The following NBPF3 variants were observed in gnomAD, a reference collection of about 807,000 sequenced individuals.
NBPF3 encodes the protein NBPF family member NBPF3.
NBPF3 carries 57 observed loss-of-function variants against 78.1 expected under a neutral mutation model. The observed-to-expected ratio is 0.73, with a 90% confidence interval of 0.59 to 0.91. The LOEUF is 0.91. NBPF3 is among the 40% of genes least tolerant of loss of function. The pLI is 0.00. For missense variants in NBPF3, 510 were observed against 715.3 expected (o/e 0.71, Z 3.27); for synonymous variants, 182 against 271.7 (o/e 0.67, Z 3.25).
intron 4 of NBPF3, among the ~76,000 whole-genome samples, chr1:21,471,282 G>A (rs1642580239): frequency 6.6e-6 from 1 of 152,138 alleles, no homozygotes; most frequent in African/African-American, 2.4e-5. Context: ...CTGAAAGGAT[G>A]GATGTCTTTT....
chr1:21,436,851 G>C (rs1380407382), upstream of NBPF3: 2 of 793,376 alleles, frequency 2.5e-6, no homozygotes, highest in East Asian at 3.5e-5. This position sits in a 1 kb window ranked among gnomAD's most constrained non-coding sequence, Gnocchi z 4.3. Context: ...CCAGAGGCCC[G>C]GGGGGAGGGG....
chr1:21,474,838 A>G, intron 7 of NBPF3, 62 bp from the exon 8 acceptor site: 2 of 1,437,300 alleles, frequency 1.4e-6, no homozygotes, highest in South Asian at 2.3e-5. Context: ...CTGGACACTG[A>G]TTTGGTCATA....
At chr1:21,444,107 C>A (rs1258980770) in intron 1 of NBPF3, among the ~76,000 whole-genome samples, 1 of 152,126 alleles carries the variant, frequency 6.6e-6, no homozygotes, top group Admixed American at 6.5e-5. Flanking sequence ...CAGTACTTGA[C>A]CTTGCCTGGC....
intron 2 of NBPF3, chr1:21,449,919 TCA>T: frequency 2.8e-6 from 1 of 350,880 alleles, no homozygotes; most frequent in Non-Finnish European, 3.8e-6. Context: ...TGTAGTTCTT[TCA>T]TTGATTGATT....
intron 1 of NBPF3, among the ~76,000 whole-genome samples, chr1:21,444,528 A>C (rs894035457): frequency 1.7e-4 from 26 of 152,196 alleles, no homozygotes; most frequent in Admixed American, 1.6e-3. Flanking sequence ...TACTTTGTGA[A>C]AACTTCCCTG....
Position 21,483,141 on chromosome 1 carries a change from A to T in NBPF3, c.1659-2A>T, listed in dbSNP as rs1246540169. Reference sequence around the variant, plus strand: ...CTTCTTTAGTTTTGTCTCCTTTTCCAGGCTCAACGAGGTGCTGATGGAAGC... The same window carrying T: ...CTTCTTTAGTTTTGTCTCCTTTTCCTGGCTCAACGAGGTGCTGATGGAAGC... On this transcript the variant is annotated splice_acceptor_variant, in intron 14 of 14. Coordinates refer to ENST00000318249, the MANE Select transcript of NBPF3 (RefSeq NM_032264.6). LOFTEE classifies it high-confidence loss of function. 1 of 1,611,610 alleles carries T rather than the reference A, an allele frequency of 6.2e-7. No individual in the cohort carries two copies. Among genetic ancestry groups the T allele is most frequent in the Non-Finnish European group, 8.5e-7 (1 of 1,179,402 alleles).
intron 7 of NBPF3, 69 bp downstream of exon 7, chr1:21,473,654 CTA>C: frequency 7.7e-7 from 1 of 1,293,802 alleles, no homozygotes; most frequent in Non-Finnish European, 1.1e-6. Context: ...AAGACAGGCT[CTA>C]TACACACAGA....
Position 21,460,951 on chromosome 1 carries a change from A to G in NBPF3, c.134-7737A>G, listed in dbSNP as rs1404279280. Among the ~76,000 whole-genome samples the G allele has an allele frequency of 2.6e-5, 4 of 152,224 alleles. No individual in the cohort carries two copies. The highest frequency in any genetic ancestry group is 5.9e-5 in the Non-Finnish European group (4 of 68,030). On this transcript the variant is annotated intron_variant, in intron 2 of 14. Transcript: ENST00000318249. The surrounding 1 kb of genome is among the most constrained non-coding windows in gnomAD (Gnocchi z 4.2). Reference sequence around the variant, plus strand: ...AAATGACAAACACACCAGTGTTTCAATGAACATAAAATTTTGAGAAGATAT... The same window carrying G: ...AAATGACAAACACACCAGTGTTTCAGTGAACATAAAATTTTGAGAAGATAT...
intron 2 of NBPF3, among the ~76,000 whole-genome samples, chr1:21,452,252 T>G (rs1641354095): frequency 6.6e-6 from 1 of 152,202 alleles, no homozygotes; most frequent in Non-Finnish European, 1.5e-5. Context: ...AGCAAACATG[T>G]GGCCATGAAA....
At chr1:21,466,755 G>A (rs1374449348) in intron 2 of NBPF3, among the ~76,000 whole-genome samples, 1 of 151,788 alleles carries the variant, frequency 6.6e-6, no homozygotes, top group Non-Finnish European at 1.5e-5. Context: ...AAGGAAATAT[G>A]TCCAAATACA....
chr1:21,436,871 T>G, upstream of NBPF3: 27 of 371,202 alleles, frequency 7.3e-5, no homozygotes, highest in East Asian at 7.7e-5. This position sits in a 1 kb window ranked among gnomAD's most constrained non-coding sequence, Gnocchi z 4.3. Flanking sequence ...GCTCGCGCCC[T>G]CCGGGTGGGG....
intron 2 of NBPF3, among the ~76,000 whole-genome samples, chr1:21,458,996 C>G (rs4393124): frequency 6.6e-6 from 1 of 152,136 alleles, no homozygotes; most frequent in African/African-American, 2.4e-5. Context: ...AAAACATAAT[C>G]GAGATTAATA....
At chr1:21,455,891 A>G (rs1217446159) in intron 2 of NBPF3, among the ~76,000 whole-genome samples, 2 of 152,204 alleles carry the variant, frequency 1.3e-5, no homozygotes. Flanking sequence ...TGGGGAATGT[A>G]TGATGGAGTT....
intron 2 of NBPF3, among the ~76,000 whole-genome samples, chr1:21,447,860 A>G (rs1641080123): frequency 6.6e-6 from 1 of 152,156 alleles, no homozygotes; most frequent in African/African-American, 2.4e-5. Flanking sequence ...TAATACAGTG[A>G]TATCTCATTG....
At chr1:21,462,135 C>T (rs1368756589) in intron 2 of NBPF3, among the ~76,000 whole-genome samples, 3 of 152,080 alleles carry the variant, frequency 2.0e-5, no homozygotes, top group Non-Finnish European at 2.9e-5. Flanking sequence ...GGAGCAGATG[C>T]GGGGGCCATG....
rs1284670496 is a variant in NBPF3, at chr1:21,468,840, C to G, written c.286C>G (p.Gln96Glu). The G allele has an allele frequency of 1.2e-6, 2 of 1,614,194 alleles. No homozygotes were observed. Among genetic ancestry groups the G allele is most frequent in the Non-Finnish European group, 1.7e-6 (2 of 1,180,032 alleles). The change falls in exon 3 of 15, where the codon CAG (glutamine) becomes GAG (glutamate). Residue 96 changes from glutamine (Q) to glutamate (E), a missense_variant. Gln to Glu is a conservative substitution (Grantham distance 29). Around this residue, in one of 5 missense-constraint regions of NBPF3, gnomAD observed 440 missense variants for 478.2 expected, o/e 0.92. Coordinates refer to ENST00000318249, the MANE Select transcript of NBPF3 (RefSeq NM_032264.6). ...ENKQQFRNLK[Q>E]KCLVTQVAYF... ...CAAACAGCAGTTCAGAAACCTCAAACAGAAATGTCTTGTAACTCAAGTGGC... is the reference window on the plus strand; with the variant it reads ...CAAACAGCAGTTCAGAAACCTCAAAGAGAAATGTCTTGTAACTCAAGTGGC...
At chr1:21,464,590 AAT>A (rs1437504488) in intron 2 of NBPF3, among the ~76,000 whole-genome samples, 1 of 152,110 alleles carries the variant, frequency 6.6e-6, no homozygotes. Flanking sequence ...TATGCTTAAA[AAT>A]GGTGAATTTT....
chr1:21,479,446 G>C (rs372477374), intron 10 of NBPF3, 46 bp downstream of exon 10: 2 of 1,534,502 alleles, frequency 1.3e-6, no homozygotes, highest in Non-Finnish European at 1.8e-6. Context: ...TTGACACCTG[G>C]AGATGCCAAG....
At chr1:21,468,978 CA>C in intron 3 of NBPF3, 81 bp downstream of exon 3, 1 of 1,133,216 alleles carries the variant, frequency 8.8e-7, no homozygotes, top group Non-Finnish European at 1.3e-6. Context: ...CTCTCTCCAT[CA>C]AAAATAAGTT....
Sources: allele counts gnomAD v4.1 joint callset (sites outside exome capture counted in the v4.1 genomes callset), GRCh38; gene constraint gnomAD v4.1.1; regional missense constraint gnomAD v4.1.1; non-coding constraint Gnocchi (gnomAD v3.1); transcripts MANE v1.5; gene names NCBI Gene and HGNC (gene_info 2026-07-23, HGNC 2026-07-21).